The following CFAP70 variants were observed in gnomAD, a reference collection of about 807,000 sequenced individuals.
The protein encoded by CFAP70 is cilia- and flagella-associated protein 70.
Under a neutral mutation model 137.6 loss-of-function variants are expected in CFAP70, and 81 were observed. The observed-to-expected ratio is 0.59, with a 90% CI of 0.49 to 0.71. The LOEUF is 0.71. Among genes scored for constraint, CFAP70 ranks in the 30% least tolerant of loss-of-function variants. The pLI is 0.00. For missense variants in CFAP70, 976 were observed against 1,226.7 expected (o/e 0.80, Z 3.05); for synonymous variants, 382 against 423.6 (o/e 0.90, Z 1.20).
At chr10:73,255,125 G>A (rs115413323) in intron 26 of CFAP70, among the ~76,000 whole-genome samples, 5 of 152,234 alleles carry the variant, frequency 3.3e-5, no homozygotes, top group African/African-American at 4.8e-5. Context: ...TTGGCCAGGC[G>A]TGGTGGCTCA....
At chr10:73,277,241 T>C in exon 21 of CFAP70, 1 of 1,613,172 alleles carries the variant, frequency 6.2e-7, no homozygotes, top group Non-Finnish European at 8.5e-7. Flanking sequence ...TACTCTGACC[T>C]GCACAGCCTT....
At chr10:73,296,849 C>T in intron 15 of CFAP70, 193 bp downstream of exon 16, 1 of 423,958 alleles carries the variant, frequency 2.4e-6, no homozygotes, top group Non-Finnish European at 4.0e-6. Context: ...AGCATATCTC[C>T]TTGTTTTTTT....
chr10:73,326,124 T>C (rs1395165230), intron 8 of CFAP70, among the ~76,000 whole-genome samples: 1 of 151,914 alleles, frequency 6.6e-6, no homozygotes, highest in East Asian at 1.9e-4. Flanking sequence ...GAACAGAAAT[T>C]ATAACAACCG....
chr10:73,257,053 AC>A (rs1243086361), intron 25 of CFAP70, among the ~76,000 whole-genome samples: 6 of 152,038 alleles, frequency 3.9e-5, no homozygotes, highest in East Asian at 1.9e-4. Context: ...ATTAACACTT[AC>A]CACTCCGTAC....
At chr10:73,265,348 A>C (rs1376073117) in intron 25 of CFAP70, among the ~76,000 whole-genome samples, 3 of 151,656 alleles carry the variant, frequency 2.0e-5, no homozygotes, top group African/African-American at 7.3e-5. Context: ...AAGAAGAAGA[A>C]GAGATTCATG....
In CFAP70 at chr10:73,310,336, T is replaced by C. The variant is rs1383093871; in HGVS notation, c.1165-87A>G. Reference sequence around the variant, plus strand: ...ACATAAGATGATGCTCACAATATAATAAGTGAGAAAACTGCATATATAACT... The same window carrying C: ...ACATAAGATGATGCTCACAATATAACAAGTGAGAAAACTGCATATATAACT... On this transcript the variant is annotated intron_variant, in intron 11 of 26. Coordinates refer to ENST00000310715, the Ensembl canonical transcript of CFAP70. 4.3e-5 allele frequency: 36 copies of C among 845,342 alleles called. 1 individual carries two copies. In the Admixed American group the frequency reaches 8.0e-4, roughly 19 times the overall value. 52.4% of individuals were successfully genotyped at this position (845,342 alleles called of 1,614,324 possible). A position where few individuals can be genotyped will look rare whatever the true frequency, so the allele number is the denominator to read the frequency against.
chr10:73,320,332 T>A (rs2050739877), intron 9 of CFAP70, among the ~76,000 whole-genome samples: 1 of 152,114 alleles, frequency 6.6e-6, no homozygotes, highest in African/African-American at 2.4e-5. Flanking sequence ...TTTTTATTTT[T>A]AATTTTTTTT....
chr10:73,306,684 A>G lies in CFAP70; in HGVS notation c.1256+3474T>C, dbSNP rs549268440. 1.9e-3 allele frequency among the ~76,000 whole-genome samples: 286 copies of G among 152,322 alleles called. 3 individuals carry two copies. The highest frequency in any genetic ancestry group is 0.01 in the Middle Eastern group (3 of 294). ...AGAGATTGAGACCAGCCTGGGAAAC[A>G]TAGTGGGACTATGTCTCTACAAAAA... On this transcript the variant is annotated intron_variant, in intron 12 of 26. Transcript: ENST00000310715.
chr10:73,281,377 T>G (rs2047247395), intron 19 of CFAP70, among the ~76,000 whole-genome samples: 1 of 151,334 alleles, frequency 6.6e-6, no homozygotes, highest in East Asian at 1.9e-4. Context: ...TTTGTAGAGA[T>G]AGAGTTTTGC....
intron 6 of CFAP70, among the ~76,000 whole-genome samples, chr10:73,340,043 G>C (rs567590039): frequency 4.6e-5 from 7 of 152,238 alleles, no homozygotes; most frequent in Non-Finnish European, 8.8e-5. Flanking sequence ...GCAAAGCAAA[G>C]AGGTGCTTTA....
At chr10:73,255,003 C>G (rs574788678) in intron 26 of CFAP70, among the ~76,000 whole-genome samples, 25 of 152,304 alleles carry the variant, frequency 1.6e-4, no homozygotes, top group African/African-American at 5.8e-4. Context: ...TGGCCCCCAC[C>G]TGTAATTCCA....
intron 7 of CFAP70, among the ~76,000 whole-genome samples, chr10:73,331,787 T>C (rs181047712): frequency 3.3e-5 from 5 of 152,178 alleles, no homozygotes; most frequent in South Asian, 4.1e-4. Context: ...AAACTGAACA[T>C]TGTTAGAGCA....
In CFAP70 at chr10:73,275,407, C is replaced by T. The variant is rs2046645026; in HGVS notation, c.2673+39G>A. 9 of 1,541,328 alleles carry T rather than the reference C, an allele frequency of 5.8e-6. No homozygotes were observed. The highest frequency in any genetic ancestry group is 7.8e-6 in the Non-Finnish European group (9 of 1,147,872). On this transcript the variant is annotated intron_variant, in intron 22 of 26. Coordinates refer to ENST00000310715, the Ensembl canonical transcript of CFAP70. The surrounding 1 kb of genome is among the most constrained non-coding windows in gnomAD (Gnocchi z 4.0). The stretch of plus-strand genomic sequence containing the variant: ...GGCATCACCACCTTTAAATAAAGCC[C>T]CTTCTCCAGACTCAAGAGGCTTTAG...
At chr10:73,347,569 T>C (rs1430043481) in intron 4 of CFAP70, among the ~76,000 whole-genome samples, 1 of 152,204 alleles carries the variant, frequency 6.6e-6, no homozygotes, top group Non-Finnish European at 1.5e-5. Context: ...CATGATTTCA[T>C]GGATGGGTGA....
At chr10:73,329,529 AAC>A (rs1192065140) in intron 8 of CFAP70, among the ~76,000 whole-genome samples, 1 of 152,150 alleles carries the variant, frequency 6.6e-6, no homozygotes, top group African/African-American at 2.4e-5. Flanking sequence ...CAAACAAAAA[AAC>A]AGTGTTAATA....
At chr10:73,358,527 CG>C (rs2054849837) in intron 1 of CFAP70, among the ~76,000 whole-genome samples, 1 of 152,206 alleles carries the variant, frequency 6.6e-6, no homozygotes, top group Admixed American at 6.5e-5. Flanking sequence ...TGGAGGTCGC[CG>C]GGCTGGGGTT....
At chr10:73,335,625 C>A (rs1171406795) in intron 6 of CFAP70, 101 bp from the exon 8 acceptor site, 5 of 726,824 alleles carry the variant, frequency 6.9e-6, no homozygotes, top group Non-Finnish European at 1.1e-5. Context: ...CAATACTTTT[C>A]TTAGTATTAT....
intron 12 of CFAP70, among the ~76,000 whole-genome samples, chr10:73,303,447 T>C (rs1320452922): frequency 1.3e-5 from 2 of 151,792 alleles, no homozygotes; most frequent in East Asian, 1.9e-4. Flanking sequence ...CTCGATCTTT[T>C]GACCTCGTGA....
rs185585466 is a variant in CFAP70, at chr10:73,290,813, A to G, written c.2239+413T>C. 1.2e-4 allele frequency among the ~76,000 whole-genome samples: 18 copies of G among 152,300 alleles called. No individual in the cohort carries two copies. In the East Asian group the frequency reaches 3.5e-3, roughly 29 times the overall value. On this transcript the variant is annotated intron_variant, in intron 19 of 26. Coordinates refer to ENST00000310715, the Ensembl canonical transcript of CFAP70. ...ATGGTGCCCCTTTTAAAGACAGTAA[A>G]TTCTCTAAGATTAAAACAATTGAAT...
Sources: allele counts gnomAD v4.1 joint callset (sites outside exome capture counted in the v4.1 genomes callset), GRCh38; gene constraint gnomAD v4.1.1; non-coding constraint Gnocchi (gnomAD v3.1); transcripts MANE v1.5; gene names NCBI Gene and HGNC (gene_info 2026-07-23, HGNC 2026-07-21).